The following PRKCE variants were observed in gnomAD, a reference collection of about 807,000 sequenced individuals.
PRKCE encodes the protein protein kinase C epsilon, also known as protein kinase C epsilon type.
Under a neutral mutation model 85.4 loss-of-function variants are expected in PRKCE, and 16 were observed. The observed-to-expected ratio is 0.19, with a 90% CI of 0.13 to 0.28. The LOEUF (loss-of-function observed/expected upper bound fraction) is 0.28. Ranked by LOEUF, PRKCE falls within the 10% of genes least tolerant of loss-of-function variation. The probability of loss-of-function intolerance (pLI) is 1.00; values close to 1 mark genes in which losing one functional copy is unlikely to be tolerated. For synonymous variants in PRKCE, 388 were observed against 371.5 expected (o/e 1.04, Z -0.51); for missense variants, 573 against 975.2 (o/e 0.59, Z 5.49).
chr2:45,789,507 G>A (rs1161383467), intron 1 of PRKCE, among the ~76,000 whole-genome samples: 1 of 152,174 alleles, frequency 6.6e-6, no homozygotes, highest in Non-Finnish European at 1.5e-5. Context: ...GCTCCTGCCT[G>A]TGGTCCTAGC....
intron 1 of PRKCE, among the ~76,000 whole-genome samples, chr2:45,765,143 G>C (rs548936491): frequency 7.8e-4 from 118 of 152,228 alleles, no homozygotes; most frequent in African/African-American, 2.6e-3. Context: ...CCCTTAATAC[G>C]TTCTTAAGCC....
chr2:46,148,244 C>T (rs949191511), intron 12 of PRKCE, among the ~76,000 whole-genome samples: 3 of 152,184 alleles, frequency 2.0e-5, no homozygotes, highest in Admixed American at 6.5e-5. Flanking sequence ...CGAGCTCTGA[C>T]GCACTTGAGG....
intron 10 of PRKCE, among the ~76,000 whole-genome samples, chr2:46,051,981 C>G (rs1178951568): frequency 6.6e-6 from 1 of 152,122 alleles, no homozygotes; most frequent in African/African-American, 2.4e-5. Context: ...AAAACCGCCC[C>G]CATGATCCAG....
chr2:45,958,816 ATTTTTTTTTTTTTTTT>A (rs569651784), intron 2 of PRKCE, among the ~76,000 whole-genome samples: 84 of 18,122 alleles, frequency 4.6e-3, no homozygotes, highest in African/African-American at 0.011. Flanking sequence ...ATATATATAT[ATTTTTTTTTTTTTTTT>A]TTTTTTTTTT....
At chr2:45,796,914 A>G (rs953953443) in intron 1 of PRKCE, among the ~76,000 whole-genome samples, 3 of 152,234 alleles carry the variant, frequency 2.0e-5, no homozygotes, top group African/African-American at 4.8e-5. Context: ...CACCATGTCC[A>G]GCCACCTTGA....
At chr2:46,060,345 A>G (rs906189345) in intron 10 of PRKCE, among the ~76,000 whole-genome samples, 3 of 152,180 alleles carry the variant, frequency 2.0e-5, no homozygotes, top group African/African-American at 7.2e-5. Flanking sequence ...CTGCCCGGGC[A>G]GCCCAAGAAC....
intron 1 of PRKCE, among the ~76,000 whole-genome samples, chr2:45,793,713 G>A (rs572077952): frequency 6.6e-6 from 1 of 152,236 alleles, no homozygotes; most frequent in South Asian, 2.1e-4. Context: ...TTTGATCGAG[G>A]CCATCAGGAA....
chr2:46,000,417 C>A (rs1300491927), intron 6 of PRKCE, among the ~76,000 whole-genome samples: 1 of 151,270 alleles, frequency 6.6e-6, no homozygotes, highest in African/African-American at 2.4e-5. Flanking sequence ...ATTTCCTTGT[C>A]CCCAGATCAG....
At chr2:45,731,060 G>A (rs1423785750) in intron 1 of PRKCE, among the ~76,000 whole-genome samples, 3 of 152,324 alleles carry the variant, frequency 2.0e-5, no homozygotes, top group African/African-American at 7.2e-5. Context: ...GAGCCTGGGT[G>A]TTCTCTAACC....
intron 14 of PRKCE, among the ~76,000 whole-genome samples, chr2:46,168,828 C>G (rs1161957063): frequency 6.6e-6 from 1 of 152,096 alleles, no homozygotes; most frequent in African/African-American, 2.4e-5. Flanking sequence ...GTCCTGAGAG[C>G]CTATGTCAGC....
At chr2:45,801,430 T>A (rs141297948) in intron 1 of PRKCE, among the ~76,000 whole-genome samples, 15 of 152,222 alleles carry the variant, frequency 9.9e-5, no homozygotes, top group Non-Finnish European at 1.9e-4. Context: ...GGACTGGGGC[T>A]GTGCTCATTG....
chr2:45,741,721 A>G (rs72886107), intron 1 of PRKCE, among the ~76,000 whole-genome samples: 8,786 of 152,208 alleles, frequency 0.058, 842 homozygotes, highest in African/African-American at 0.2. Flanking sequence ...GGAAGGTTCA[A>G]GGGGTGGTGC....
chr2:45,820,492 A>G (rs750464295), intron 1 of PRKCE, among the ~76,000 whole-genome samples: 2 of 152,076 alleles, frequency 1.3e-5, no homozygotes, highest in Non-Finnish European at 2.9e-5. Context: ...GGAGGGCAAT[A>G]TGGCTGAGGC....
At chr2:45,736,672 T>TA (rs1051588468) in intron 1 of PRKCE, among the ~76,000 whole-genome samples, 51 of 152,292 alleles carry the variant, frequency 3.3e-4, no homozygotes, top group Middle Eastern at 3.4e-3. Context: ...TCATTCCTCT[T>TA]ACAGTCAAGT....
chr2:46,106,126 A>T (rs1390462053), intron 11 of PRKCE, among the ~76,000 whole-genome samples: 1 of 152,236 alleles, frequency 6.6e-6, no homozygotes, highest in East Asian at 1.9e-4. Flanking sequence ...CATTTTTCCA[A>T]TATATTTATT....
rs2881256 is a variant in PRKCE, at chr2:46,072,147, C to G, written c.1438-14061C>G. Among the ~76,000 whole-genome samples the G allele has an allele frequency of 5.3e-4, 80 of 152,236 alleles. No individual in the cohort carries two copies. The South Asian group carries it at 0.016, about 30-fold the overall frequency. On this transcript the variant is annotated intron_variant, in intron 10 of 14. Coordinates refer to ENST00000306156, the MANE Select transcript of PRKCE (RefSeq NM_005400.3). ...CAAAGAATTTAATAATTTAAAAAAC[C>G]CTTTCACGCTTTATCTGTCATCAAA...
intron 1 of PRKCE, among the ~76,000 whole-genome samples, chr2:45,808,146 G>T (rs1042992389): frequency 9.2e-5 from 14 of 152,202 alleles, no homozygotes; most frequent in Non-Finnish European, 1.3e-4. Flanking sequence ...TTTATTGGCA[G>T]TTAACTGGTC....
At chr2:46,062,668 CT>C (rs71394871) in intron 10 of PRKCE, among the ~76,000 whole-genome samples, 1,651 of 73,048 alleles carry the variant, frequency 0.023, 3 homozygotes, top group African/African-American at 0.049. Context: ...AAAGCTCAGC[CT>C]TTTTTTTTTT....
At chr2:46,046,637 G>A (rs1708540337) in intron 10 of PRKCE, among the ~76,000 whole-genome samples, 1 of 152,178 alleles carries the variant, frequency 6.6e-6, no homozygotes. Context: ...GTTCTTCCTG[G>A]TAAGAGTTTA....
Sources: allele counts gnomAD v4.1 joint callset (sites outside exome capture counted in the v4.1 genomes callset), GRCh38; gene constraint gnomAD v4.1.1; transcripts MANE v1.5; gene names NCBI Gene and HGNC (gene_info 2026-07-23, HGNC 2026-07-21).